Variants in OPCML observed in about 807,000 individuals in gnomAD.
OPCML encodes opioid-binding protein/cell adhesion molecule.
A neutral mutation model predicts 37.8 loss-of-function variants in OPCML; 13 were observed. The observed-to-expected ratio is 0.34, with a 90% CI of 0.22 to 0.55. The LOEUF is 0.55. OPCML is among the 20% of genes least tolerant of loss of function. OPCML has a pLI of 0.91. For missense variants in OPCML, 341 were observed against 435.6 expected (o/e 0.78, Z 1.93); for synonymous variants, 176 against 168.8 (o/e 1.04, Z -0.33).
chr11:133,463,065 C>T (rs1002658558), intron 1 of OPCML, among the ~76,000 whole-genome samples: 2 of 98,272 alleles, frequency 2.0e-5, no homozygotes, highest in South Asian at 6.8e-4. Flanking sequence ...GCTGTCTAAG[C>T]AAAATAAGCC....
chr11:132,770,619 G>C (rs1946604474), intron 2 of OPCML, among the ~76,000 whole-genome samples: 1 of 152,042 alleles, frequency 6.6e-6, no homozygotes, highest in South Asian at 2.1e-4. Flanking sequence ...CATGCTTTCA[G>C]GTTAGGCTTA....
intron 2 of OPCML, among the ~76,000 whole-genome samples, chr11:132,883,336 G>A (rs1015428613): frequency 4.6e-5 from 7 of 152,062 alleles, no homozygotes; most frequent in Non-Finnish European, 1.0e-4. Flanking sequence ...GCACCATTTA[G>A]TGATTCTTTA....
intron 2 of OPCML, among the ~76,000 whole-genome samples, chr11:132,786,725 G>A (rs1306132262): frequency 2.0e-5 from 3 of 152,178 alleles, no homozygotes; most frequent in African/African-American, 4.8e-5. Flanking sequence ...CACCAGATCT[G>A]TGTATAGTAG....
chr11:132,543,391 T>C (rs992598264), intron 3 of OPCML, among the ~76,000 whole-genome samples: 1 of 152,038 alleles, frequency 6.6e-6, no homozygotes, highest in Admixed American at 6.6e-5. Context: ...CATGCGCTTA[T>C]AGTCCTGATT....
In OPCML at chr11:133,240,144, T is replaced by G. The variant is rs1312265939; in HGVS notation, c.61+292120A>C. On this transcript the variant is annotated intron_variant, in intron 1 of 7. Transcript: ENST00000524381. ...CTGCCTTCCTCTCAAAGCCTCTGTGTTGTGTGCTTCCCTTCTGCAAATAAG... is the reference window on the plus strand; with the variant it reads ...CTGCCTTCCTCTCAAAGCCTCTGTGGTGTGTGCTTCCCTTCTGCAAATAAG... Among the ~76,000 whole-genome samples the G allele has an allele frequency of 2.7e-5, 4 of 148,376 alleles. No homozygotes were observed. The East Asian group carries it at 5.9e-4, about 22-fold the overall frequency.
intron 2 of OPCML, among the ~76,000 whole-genome samples, chr11:132,806,035 G>T (rs908526586): frequency 6.6e-6 from 1 of 151,990 alleles, no homozygotes; most frequent in Non-Finnish European, 1.5e-5. Flanking sequence ...GAAAGTGTTG[G>T]GTGTGAAATG....
At chr11:133,301,583 T>C (rs1217316821) in intron 1 of OPCML, 1 of 152,230 alleles carries the variant, frequency 6.6e-6, no homozygotes, top group East Asian at 1.9e-4. Context: ...AATGTGGTTT[T>C]AAGTCTTTCT....
intron 1 of OPCML, among the ~76,000 whole-genome samples, chr11:133,444,251 G>A (rs1405151568): frequency 6.6e-6 from 1 of 152,164 alleles, no homozygotes; most frequent in Non-Finnish European, 1.5e-5. Flanking sequence ...CTTAGAGAGA[G>A]AAACAAGGTA....
chr11:132,753,649 A>G (rs1770966909), intron 2 of OPCML, among the ~76,000 whole-genome samples: 2 of 152,228 alleles, frequency 1.3e-5, no homozygotes, highest in South Asian at 4.1e-4. Context: ...TGCATAGTGC[A>G]GTGATGGGTA....
intron 1 of OPCML, among the ~76,000 whole-genome samples, chr11:132,948,616 C>T (rs1321423252): frequency 6.6e-6 from 1 of 152,096 alleles, no homozygotes; most frequent in Non-Finnish European, 1.5e-5. Flanking sequence ...CTAGGAGGGA[C>T]AGTCTTTCCA....
chr11:132,637,239 A>C (rs975878181), intron 3 of OPCML, among the ~76,000 whole-genome samples: 3 of 151,850 alleles, frequency 2.0e-5, no homozygotes, highest in African/African-American at 7.3e-5. Flanking sequence ...TCCCTTACTG[A>C]TGATTTCTCC....
chr11:132,773,964 A>G (rs1211983491), intron 2 of OPCML, among the ~76,000 whole-genome samples: 1 of 152,202 alleles, frequency 6.6e-6, no homozygotes, highest in Non-Finnish European at 1.5e-5. Context: ...AGAGAGAGAA[A>G]AGGCTCTGTA....
intron 2 of OPCML, among the ~76,000 whole-genome samples, chr11:132,775,844 G>A (rs1946791133): frequency 6.6e-6 from 1 of 152,212 alleles, no homozygotes; most frequent in Non-Finnish European, 1.5e-5. Flanking sequence ...TGCCACCTAT[G>A]AACCACAGAA....
intron 1 of OPCML, among the ~76,000 whole-genome samples, chr11:133,058,664 C>A (rs1029595567): frequency 2.0e-5 from 3 of 152,196 alleles, no homozygotes; most frequent in African/African-American, 7.2e-5. Context: ...AGGTAGTGAG[C>A]GCGGCTCCCC....
chr11:132,718,020 T>C (rs1216399350), intron 2 of OPCML, among the ~76,000 whole-genome samples: 1 of 152,168 alleles, frequency 6.6e-6, no homozygotes, highest in Non-Finnish European at 1.5e-5. Context: ...TTCCACACCA[T>C]CGTCAAGGTG....
intron 3 of OPCML, among the ~76,000 whole-genome samples, chr11:132,540,874 G>A (rs1049106762): frequency 2.0e-5 from 3 of 152,220 alleles, no homozygotes; most frequent in Admixed American, 2.0e-4. Flanking sequence ...ACTGAATGCA[G>A]CAAAAGAGTC....
chr11:132,545,894 AAG>A (rs2096367550), intron 3 of OPCML, among the ~76,000 whole-genome samples: 1 of 152,204 alleles, frequency 6.6e-6, no homozygotes, highest in Non-Finnish European at 1.5e-5. Flanking sequence ...AAGACTTGTA[AAG>A]TGTGTATTTG....
At chr11:132,909,183 G>A (rs74828813) in intron 2 of OPCML, among the ~76,000 whole-genome samples, 3,758 of 152,232 alleles carry the variant, frequency 0.025, 164 homozygotes, top group African/African-American at 0.085. Flanking sequence ...CTGTCTATCT[G>A]AGTGGGACAT....
intron 2 of OPCML, among the ~76,000 whole-genome samples, chr11:132,721,294 T>G (rs1944663677): frequency 6.6e-6 from 1 of 152,160 alleles, no homozygotes; most frequent in African/African-American, 2.4e-5. Flanking sequence ...TTGGGAAACT[T>G]CATGGAGGAG....
Sources: gnomAD v4.1 joint callset for allele counts (sites outside exome capture counted in the v4.1 genomes callset) on GRCh38, gnomAD v4.1.1 for gene constraint, MANE v1.5 for transcripts, NCBI Gene and HGNC (gene_info 2026-07-23, HGNC 2026-07-21) for gene names.